Variants in MED12L observed in about 807,000 individuals in gnomAD.
MED12L encodes mediator of RNA polymerase II transcription subunit 12-like protein.
A neutral mutation model predicts 281.3 loss-of-function variants in MED12L; 60 were observed. That is an observed-to-expected ratio of 0.21 (90% confidence interval 0.17 to 0.26). MED12L has a LOEUF of 0.26. Ranked by LOEUF, MED12L falls within the 10% of genes least tolerant of loss-of-function variation. The pLI, the probability that MED12L is intolerant of heterozygous loss-of-function variation, is 1.00. For missense variants in MED12L, 2,146 were observed against 2,680.9 expected, an observed-to-expected ratio of 0.80 and a Z score of 4.41; for synonymous variants, 974 against 987.2, an observed-to-expected ratio of 0.99 and a Z score of 0.25.
intron 39 of MED12L, among the ~76,000 whole-genome samples, chr3:151,396,366 G>A (rs912575279): frequency 2.0e-5 from 3 of 152,326 alleles, no homozygotes; most frequent in East Asian, 1.9e-4. Context: ...GGTGGCTTAC[G>A]CCTCTAATCC....
chr3:151,372,557 T>G lies in MED12L; in HGVS notation c.3665-10T>G. ...TTCTGTGATTTTGCTTTTGTGATTCTATTACTTAGGAGATGCCAAAATTGG... is the reference window on the plus strand; with the variant it reads ...TTCTGTGATTTTGCTTTTGTGATTCGATTACTTAGGAGATGCCAAAATTGG... On this transcript the variant is annotated splice_polypyrimidine_tract_variant and intron_variant, in intron 26 of 44. Coordinates refer to ENST00000687756, the MANE Select transcript of MED12L (RefSeq NM_001393769.1). The G allele has an allele frequency of 6.2e-7, 1 of 1,611,258 alleles. No individual in the cohort carries two copies. Among genetic ancestry groups the G allele is most frequent in the Non-Finnish European group, 8.5e-7 (1 of 1,177,750 alleles).
At chr3:151,090,180 C>T (rs1001941841) in intron 2 of MED12L, among the ~76,000 whole-genome samples, 5 of 152,058 alleles carry the variant, frequency 3.3e-5, no homozygotes, top group African/African-American at 9.7e-5. Context: ...CCCTGGCTGT[C>T]CTGTTTATGT....
chr3:151,114,784 G>A (rs1046810371), intron 2 of MED12L, among the ~76,000 whole-genome samples: 4 of 149,480 alleles, frequency 2.7e-5, no homozygotes, highest in Non-Finnish European at 5.9e-5. Context: ...TTAAAGCCTT[G>A]GGTTATTTTT....
chr3:151,373,275 T>A (rs1756406939), intron 27 of MED12L, among the ~76,000 whole-genome samples: 1 of 152,194 alleles, frequency 6.6e-6, no homozygotes, highest in African/African-American at 2.4e-5. Flanking sequence ...GAAATAATCT[T>A]GAGTTCTTTC....
chr3:151,104,038 G>A (rs12633262), intron 2 of MED12L, among the ~76,000 whole-genome samples: 2,464 of 152,246 alleles, frequency 0.016, 47 homozygotes, highest in African/African-American at 0.049. Context: ...CTCTAGGTAC[G>A]GATGTTAAGA....
intron 5 of MED12L, among the ~76,000 whole-genome samples, chr3:151,139,422 A>G (rs952168003): frequency 2.6e-5 from 4 of 152,220 alleles, no homozygotes; most frequent in East Asian, 1.9e-4. Flanking sequence ...AAGGAGATGC[A>G]TGTGTGTGGA....
At chr3:151,254,903 A>T (rs1052907860) in intron 16 of MED12L, among the ~76,000 whole-genome samples, 1 of 152,184 alleles carries the variant, frequency 6.6e-6, no homozygotes. Flanking sequence ...TGTGTTTTTC[A>T]TTCTTGTCGG....
At chr3:151,259,540 A>G (rs1250999768) in intron 16 of MED12L, among the ~76,000 whole-genome samples, 1 of 152,220 alleles carries the variant, frequency 6.6e-6, no homozygotes, top group Non-Finnish European at 1.5e-5. Flanking sequence ...TGTTCACCCT[A>G]AGAATAAGTA....
At chr3:151,198,332 GTTTTTTTTTGTT>G in intron 16 of MED12L, 2 of 865,738 alleles carry the variant, frequency 2.3e-6, no homozygotes, top group Non-Finnish European at 3.2e-6. Flanking sequence ...TTCATACTGA[GTTTTTTTTTGTT>G]TTTTTTTTTT....
rs765363421 is a variant in MED12L at position 151,385,072 on chromosome 3, C to T, written c.4969C>T (p.Arg1657Ter). 1 of 1,609,050 alleles carries T rather than the reference C, an allele frequency of 6.2e-7. No individual in the cohort carries two copies. Among genetic ancestry groups the T allele is most frequent in the African/African-American group, 1.3e-5 (1 of 74,690 alleles). ...DKRSESIDKV[R>*]QLLPLPKQTC... is the part of the protein sequence containing the mutation. Reference sequence around the variant, plus strand: ...GCGATCAGAAAGTATTGACAAAGTTCGACAGTTACTACCTTTGCCGAAACA... The same window carrying T: ...GCGATCAGAAAGTATTGACAAAGTTTGACAGTTACTACCTTTGCCGAAACA... Residue 1657 changes from arginine (R) to a stop codon, truncating the protein, a stop_gained, in exon 36 of 45, where the codon CGA becomes TGA. Coordinates refer to ENST00000687756, the MANE Select transcript of MED12L (RefSeq NM_001393769.1). LOFTEE classifies it high-confidence loss of function.
intron 16 of MED12L, among the ~76,000 whole-genome samples, chr3:151,246,559 G>A (rs1358605336): frequency 6.6e-6 from 1 of 152,108 alleles, no homozygotes; most frequent in Admixed American, 6.5e-5. Context: ...GGGAAAACTG[G>A]CTAGCCATAT....
intron 3 of MED12L, 137 bp from the exon 4 acceptor site, chr3:151,122,646 G>T (rs187603652): frequency 3.3e-6 from 2 of 603,720 alleles, no homozygotes; most frequent in Admixed American, 7.2e-5. Flanking sequence ...TGGCTTCAAA[G>T]ACTTAAATTC....
chr3:151,171,553 T>C (rs1380889518), intron 11 of MED12L, among the ~76,000 whole-genome samples: 2 of 152,230 alleles, frequency 1.3e-5, no homozygotes, highest in South Asian at 2.1e-4. Flanking sequence ...TGTTTCCTCC[T>C]TCCCTGCTGC....
chr3:151,203,049 A>G (rs541911295), intron 16 of MED12L: 4 of 152,226 alleles, frequency 2.6e-5, no homozygotes, highest in East Asian at 1.9e-4. Flanking sequence ...AAAAATCACA[A>G]TTTTGTTTTC....
chr3:151,423,686 G>C (rs1361171264), intron 43 of MED12L, among the ~76,000 whole-genome samples: 6 of 152,088 alleles, frequency 3.9e-5, no homozygotes, highest in Admixed American at 2.0e-4. Flanking sequence ...TAATTTTAAT[G>C]CTTCTTGTTG....
In MED12L at chr3:151,435,043, T is replaced by C. The variant is rs2108507529; in HGVS notation, c.*2239T>C. The C allele has an allele frequency of 2.1e-5, 3 of 146,088 alleles. No homozygotes were observed. The highest frequency in any genetic ancestry group is 6.9e-3 in the Middle Eastern group (2 of 288). 9.0% of individuals were successfully genotyped at this position (146,088 alleles called of 1,614,324 possible). On this transcript the variant is annotated 3_prime_UTR_variant, in exon 45 of 45. Coordinates refer to ENST00000687756, the MANE Select transcript of MED12L (RefSeq NM_001393769.1). ...GTCTTCAGATTTTCTCCCTGTTAAT[T>C]CTGTATCTTGAGAGGTTTCTTTTTT...
chr3:151,254,410 A>AG (rs1222451116), intron 16 of MED12L, among the ~76,000 whole-genome samples: 5 of 152,260 alleles, frequency 3.3e-5, no homozygotes, highest in Admixed American at 1.3e-4. Flanking sequence ...TCTAGTGACC[A>AG]GGGGAAACCT....
At chr3:151,425,566 T>TTC (rs1718783933) in intron 43 of MED12L, 2 of 383,912 alleles carry the variant, frequency 5.2e-6, no homozygotes, top group Non-Finnish European at 1.1e-5. Flanking sequence ...TTGTTTTTGT[T>TTC]TGTGTGTGTG....
intron 16 of MED12L, among the ~76,000 whole-genome samples, chr3:151,321,675 G>A (rs1292255972): frequency 2.6e-5 from 4 of 152,196 alleles, no homozygotes; most frequent in Admixed American, 2.0e-4. Flanking sequence ...ATATTTGTCA[G>A]TTTGAGTTGT....
Sources: gnomAD v4.1 joint callset for allele counts (sites outside exome capture counted in the v4.1 genomes callset) on GRCh38, gnomAD v4.1.1 for gene constraint, MANE v1.5 for transcripts, NCBI Gene and HGNC (gene_info 2026-07-23, HGNC 2026-07-21) for gene names.